The following TTC7A variants were observed in gnomAD, a reference collection of about 807,000 sequenced individuals.
TTC7A encodes tetratricopeptide repeat domain 7A.
A neutral mutation model predicts 103.7 loss-of-function variants in TTC7A; 110 were observed. That is an observed-to-expected ratio of 1.06 (90% CI 0.91 to 1.24). TTC7A has a LOEUF of 1.24. Ranked by LOEUF, TTC7A falls within the 50% of genes most tolerant of loss-of-function variation. The probability of loss-of-function intolerance (pLI) is 0.00; values close to 1 mark genes in which losing one functional copy is unlikely to be tolerated. For missense variants in TTC7A, 1,340 were observed against 1,116.3 expected (o/e 1.20, Z -2.86); for synonymous variants, 521 against 467.9 (o/e 1.11, Z -1.47).
intron 11 of TTC7A, among the ~76,000 whole-genome samples, chr2:47,021,522 A>C (rs72872951): frequency 1.1e-3 from 162 of 152,318 alleles, no homozygotes; most frequent in African/African-American, 3.5e-3. Flanking sequence ...GAGGACATCC[A>C]GCAAGGCACA....
intron 15 of TTC7A, among the ~76,000 whole-genome samples, chr2:47,033,134 C>T (rs1680745293): frequency 1.9e-4 from 29 of 152,248 alleles, no homozygotes; most frequent in Admixed American, 1.9e-3. Flanking sequence ...CTTCGATTGA[C>T]ACTGCTCCCT....
intron 5 of TTC7A, among the ~76,000 whole-genome samples, chr2:46,986,446 C>G (rs533937169): frequency 6.6e-6 from 1 of 152,090 alleles, no homozygotes; most frequent in Non-Finnish European, 1.5e-5. Context: ...AGGTCCCCTC[C>G]CCTCGTGGAG....
At chr2:47,026,234 C>T (rs1452640324) in intron 14 of TTC7A, among the ~76,000 whole-genome samples, 1 of 152,190 alleles carries the variant, frequency 6.6e-6, no homozygotes, top group Non-Finnish European at 1.5e-5. Flanking sequence ...CTGGCCGGCA[C>T]AGTGATGGCT....
rs962614508 is a variant in TTC7A, at chr2:47,017,691, G to A, written c.1393-4171G>A. Among the ~76,000 whole-genome samples, 10 of 152,160 alleles carry A rather than the reference G, an allele frequency of 6.6e-5. No individual in the cohort carries two copies. The East Asian group carries it at 7.7e-4, about 12-fold the overall frequency. The stretch of plus-strand genomic sequence containing the variant: ...AGCATAGTGGACTGTGCGGGCCTGC[G>A]GAGGTGCCAACTTATGCTCATGTAG... On this transcript the variant is annotated intron_variant, in intron 11 of 19. Transcript: ENST00000319190.
intron 11 of TTC7A, 27 bp downstream of exon 11, chr2:47,011,462 A>G: frequency 1.3e-6 from 2 of 1,574,604 alleles, no homozygotes; most frequent in Non-Finnish European, 1.7e-6. Flanking sequence ...GGCAGGTCCC[A>G]GAGGCCTCCT....
intron 5 of TTC7A, among the ~76,000 whole-genome samples, chr2:46,992,306 C>G (rs895224800): frequency 6.6e-6 from 1 of 152,182 alleles, no homozygotes; most frequent in African/African-American, 2.4e-5. Context: ...GTCAGACCTG[C>G]AGGTAGAAAA....
intron 2 of TTC7A, among the ~76,000 whole-genome samples, chr2:46,953,421 C>G (rs925769187): frequency 6.6e-6 from 1 of 152,202 alleles, no homozygotes; most frequent in African/African-American, 2.4e-5. Context: ...TCCCAAAGTG[C>G]TAGGATTACA....
At chr2:47,046,492 A>AGCTGGGTGGCCACCATGCCTGCC in intron 16 of TTC7A, 61 bp downstream of exon 16, 1 of 1,356,040 alleles carries the variant, frequency 7.4e-7, no homozygotes, top group Non-Finnish European at 1.1e-6. Flanking sequence ...AACAATCCAC[A>AGCTGGGTGGCCACCATGCCTGCC]GCTGGGTGGC....
rs757517802 is a variant in TTC7A, at chr2:46,941,623, C to A, written c.82C>A (p.Arg28Ser). The A allele has an allele frequency of 1.9e-6, 3 of 1,555,764 alleles. No homozygotes were observed. Among genetic ancestry groups the A allele is most frequent in the South Asian group, 2.4e-5 (2 of 84,360 alleles). ...CTGCCGCGCCGAGGGCCACTGGGACCGCATGCCGGAGCTGGTCCGGCAGCT... is the reference window on the plus strand; with the variant it reads ...CTGCCGCGCCGAGGGCCACTGGGACAGCATGCCGGAGCTGGTCCGGCAGCT... Reference protein sequence around the residue: ...ERCRAEGHWDRMPELVRQLQT... With the variant: ...ERCRAEGHWDSMPELVRQLQT... The change falls in exon 1 of 20, where the codon CGC (arginine) becomes AGC (serine). Residue 28 changes from arginine (R) to serine (S), a missense_variant. Physicochemically the swap from Arg to Ser is moderately radical, Grantham distance 110. Transcript: ENST00000319190. The surrounding 1 kb of genome is among the most constrained non-coding windows in gnomAD (Gnocchi z 4.2).
intron 5 of TTC7A, among the ~76,000 whole-genome samples, chr2:46,979,152 C>G (rs1460492616): frequency 1.3e-5 from 2 of 152,014 alleles, no homozygotes; most frequent in African/African-American, 4.8e-5. Context: ...GGGGAGACTG[C>G]CAAGAAGAGA....
chr2:47,057,419 C>T (rs1175798527), intron 18 of TTC7A, among the ~76,000 whole-genome samples: 1 of 152,174 alleles, frequency 6.6e-6, no homozygotes, highest in Non-Finnish European at 1.5e-5. Context: ...TCTGGAAGAA[C>T]CAGGGCCCCG....
intron 5 of TTC7A, among the ~76,000 whole-genome samples, chr2:46,980,768 A>G (rs1472783047): frequency 6.6e-6 from 1 of 152,200 alleles, no homozygotes; most frequent in Non-Finnish European, 1.5e-5. Context: ...TTCCCAGGTT[A>G]CCAACAACTT....
intron 2 of TTC7A, among the ~76,000 whole-genome samples, chr2:46,927,835 T>G (rs1228270915): frequency 6.7e-6 from 1 of 150,176 alleles, no homozygotes; most frequent in East Asian, 1.9e-4. Flanking sequence ...AGAAAAAAAC[T>G]GAGTGATTTA....
intron 2 of TTC7A, among the ~76,000 whole-genome samples, chr2:46,930,602 C>T (rs186377181): frequency 0.026 from 3,977 of 151,258 alleles, 80 homozygotes; most frequent in Non-Finnish European, 0.043. Context: ...CAGGTTCAAG[C>T]GATTCTCCTG....
At chr2:47,010,848 C>T (rs1041911532) in intron 10 of TTC7A, among the ~76,000 whole-genome samples, 5 of 152,130 alleles carry the variant, frequency 3.3e-5, no homozygotes, top group African/African-American at 7.2e-5. Flanking sequence ...TATGGACACA[C>T]GCCTCCACAC....
At chr2:46,985,914 A>G (rs1352886685) in intron 5 of TTC7A, among the ~76,000 whole-genome samples, 1 of 152,230 alleles carries the variant, frequency 6.6e-6, no homozygotes, top group Non-Finnish European at 1.5e-5. Context: ...TTTGAGCCAG[A>G]TAACTTCATC....
chr2:47,048,149 C>G (rs547396504), intron 16 of TTC7A, among the ~76,000 whole-genome samples: 1 of 152,236 alleles, frequency 6.6e-6, no homozygotes, highest in Non-Finnish European at 1.5e-5. Flanking sequence ...AGATGCCCCT[C>G]CTTCATGGAG....
intron 18 of TTC7A, among the ~76,000 whole-genome samples, chr2:47,054,395 G>A (rs966494881): frequency 1.3e-5 from 2 of 152,130 alleles, no homozygotes; most frequent in African/African-American, 4.8e-5. Flanking sequence ...AGGAAGAAAG[G>A]CACCCCCTTC....
intron 1 of TTC7A, among the ~76,000 whole-genome samples, chr2:46,947,342 C>T (rs1394736369): frequency 1.3e-5 from 2 of 152,162 alleles, no homozygotes; most frequent in Non-Finnish European, 2.9e-5. Flanking sequence ...AAGCCTTCAA[C>T]AAATATTAGT....
Sources: gnomAD v4.1 joint callset for allele counts (sites outside exome capture counted in the v4.1 genomes callset) on GRCh38, gnomAD v4.1.1 for gene constraint, Gnocchi (gnomAD v3.1) non-coding constraint, MANE v1.5 for transcripts, NCBI Gene and HGNC (gene_info 2026-07-23, HGNC 2026-07-21) for gene names.